The following THSD7B variants were observed in gnomAD, a reference collection of about 807,000 sequenced individuals.
The protein encoded by THSD7B is thrombospondin type-1 domain-containing protein 7B.
Under a neutral mutation model 213.6 loss-of-function variants are expected in THSD7B, and 138 were observed. The ratio of observed to expected loss-of-function variants is 0.65; its 90% confidence interval spans 0.56 to 0.74. THSD7B has a LOEUF of 0.74. THSD7B is among the 30% of genes least tolerant of loss of function. THSD7B has a pLI of 0.00. For missense variants in THSD7B, 1,931 were observed against 1,991.5 expected (o/e 0.97, Z 0.58); for synonymous variants, 742 against 687.0 (o/e 1.08, Z -1.25).
At chr2:137,392,489 T>A (rs1431453885) in intron 12 of THSD7B, among the ~76,000 whole-genome samples, 2 of 152,170 alleles carry the variant, frequency 1.3e-5, no homozygotes, top group Non-Finnish European at 1.5e-5. Context: ...GATCCTTTTA[T>A]CATTGTATAG....
intron 2 of THSD7B, among the ~76,000 whole-genome samples, chr2:136,993,405 AGG>A (rs1685823878): frequency 6.6e-6 from 1 of 152,234 alleles, no homozygotes; most frequent in African/African-American, 2.4e-5. Context: ...AAGGCTATGA[AGG>A]TAAAGTGAAT....
chr2:137,484,189 G>C (rs1688374805), intron 15 of THSD7B, among the ~76,000 whole-genome samples: 1 of 111,968 alleles, frequency 8.9e-6, no homozygotes, highest in African/African-American at 3.7e-5. Context: ...CCACACAACA[G>C]TCCCCAGAGT....
Position 137,676,554 on chromosome 2 carries a change from T to A in THSD7B, c.4770T>A (p.Pro1590=). Residue 1590 remains proline, a synonymous_variant, in exon 28 of 28, where the codon CCT becomes CCA. Coordinates refer to ENST00000409968, the MANE Select transcript of THSD7B (RefSeq NM_001316349.2). ...AGCCAAAACCACATCAAAGCACACC[T>A]CCCCAACAGAAGCCTCTGACCTTAG... ...CKKPKPHQST[P]PQQKPLTLAY... is the part of the protein sequence containing the mutation. 1 of 1,598,104 alleles carries A rather than the reference T, an allele frequency of 6.3e-7. No homozygotes were observed. The highest frequency in any genetic ancestry group is 8.5e-7 in the Non-Finnish European group (1 of 1,172,914).
At chr2:137,146,523 A>G (rs965902858) in intron 5 of THSD7B, among the ~76,000 whole-genome samples, 18 of 152,050 alleles carry the variant, frequency 1.2e-4, no homozygotes, top group Admixed American at 1.2e-3. Flanking sequence ...TACTAGTAGT[A>G]CTCATCTCAT....
At chr2:137,442,099 C>T (rs1269274819) in intron 14 of THSD7B, among the ~76,000 whole-genome samples, 1 of 151,936 alleles carries the variant, frequency 6.6e-6, no homozygotes, top group Non-Finnish European at 1.5e-5. Flanking sequence ...GGAAATTGAA[C>T]TATGGAGATT....
chr2:137,277,618 C>T (rs569444344), intron 12 of THSD7B, among the ~76,000 whole-genome samples: 2 of 152,180 alleles, frequency 1.3e-5, no homozygotes, highest in South Asian at 4.2e-4. Context: ...AACTTACTTT[C>T]AGGTAAATTA....
chr2:137,376,311 A>G (rs1685656206), intron 12 of THSD7B, among the ~76,000 whole-genome samples: 1 of 152,206 alleles, frequency 6.6e-6, no homozygotes, highest in Admixed American at 6.5e-5. Flanking sequence ...TAAGAATATT[A>G]CTTCTCATAC....
intron 2 of THSD7B, among the ~76,000 whole-genome samples, chr2:137,001,244 A>G (rs958696936): frequency 2.6e-4 from 40 of 152,206 alleles, no homozygotes; most frequent in African/African-American, 9.6e-4. Context: ...TGCCCTTAAC[A>G]TCTGAGTTTT....
At chr2:137,537,952 G>A (rs918208295) in intron 15 of THSD7B, among the ~76,000 whole-genome samples, 23 of 151,602 alleles carry the variant, frequency 1.5e-4, no homozygotes, top group African/African-American at 4.6e-4. Context: ...GTTCAAAATC[G>A]AAGTTGTAGT....
At chr2:137,433,505 C>T (rs1687229743) in intron 14 of THSD7B, among the ~76,000 whole-genome samples, 1 of 151,870 alleles carries the variant, frequency 6.6e-6, no homozygotes, top group East Asian at 1.9e-4. Context: ...TACAGGCAGG[C>T]ACCATCCCTG....
chr2:136,990,884 G>A, intron 2 of THSD7B: 1 of 1,343,938 alleles, frequency 7.4e-7, no homozygotes, highest in Non-Finnish European at 9.9e-7. Flanking sequence ...ATATTCAGAG[G>A]CGAAACGATG....
At chr2:136,968,293 T>A (rs184283384) in intron 2 of THSD7B, among the ~76,000 whole-genome samples, 214 of 152,302 alleles carry the variant, frequency 1.4e-3, no homozygotes, top group African/African-American at 4.8e-3. Flanking sequence ...TTAAATTTTT[T>A]AATTTTTATT....
Position 137,244,911 on chromosome 2 carries a change from A to G in THSD7B, c.2266+2339A>G, listed in dbSNP as rs540783226. Among the ~76,000 whole-genome samples the G allele has an allele frequency of 5.3e-5, 8 of 152,290 alleles. No homozygotes were observed. The South Asian group carries it at 1.7e-3, about 32-fold the overall frequency. The stretch of plus-strand genomic sequence containing the variant: ...TGTATCTATAAGCCTATGGTTCTCA[A>G]ACTTTATTGCATTTGAATCACCTGG... On this transcript the variant is annotated intron_variant, in intron 10 of 27. Transcript: ENST00000409968.
chr2:137,515,068 C>T (rs1270136686), intron 15 of THSD7B, among the ~76,000 whole-genome samples: 1 of 152,108 alleles, frequency 6.6e-6, no homozygotes, highest in Non-Finnish European at 1.5e-5. Flanking sequence ...TCTTATCATG[C>T]GAGTGGCTGA....
At chr2:137,412,022 G>A in intron 14 of THSD7B, 150 bp downstream of exon 14, 1 of 880,358 alleles carries the variant, frequency 1.1e-6, no homozygotes, top group Non-Finnish European at 1.7e-6. Flanking sequence ...AATATGGACA[G>A]ATGAAATGCA....
chr2:136,903,651 C>T (rs1684097941), intron 2 of THSD7B, among the ~76,000 whole-genome samples: 1 of 152,112 alleles, frequency 6.6e-6, no homozygotes, highest in East Asian at 1.9e-4. Context: ...CCCTTCAACC[C>T]AAAGGATCAG....
intron 13 of THSD7B, among the ~76,000 whole-genome samples, chr2:137,408,386 TA>T (rs1423398463): frequency 3.3e-5 from 5 of 152,128 alleles, no homozygotes; most frequent in African/African-American, 7.2e-5. Context: ...ATTCAATGAA[TA>T]TTTTTTTGTT....
At chr2:137,471,820 A>C (rs1160333350) in intron 15 of THSD7B, among the ~76,000 whole-genome samples, 1 of 152,172 alleles carries the variant, frequency 6.6e-6, no homozygotes. Flanking sequence ...GACGAGGGTC[A>C]GAAAATGTTC....
rs534420116 is a variant in THSD7B at position 137,138,353 on chromosome 2, G to A, written c.1370-21860G>A. 3.3e-5 allele frequency among the ~76,000 whole-genome samples: 5 copies of A among 152,242 alleles called. No homozygotes were observed. In the South Asian group the frequency reaches 1.0e-3, roughly 32 times the overall value. ...CACTTTATGCACCTGCCAGCTGTGT[G>A]TACATATGAGGTTCTGATTGTTTTA... On this transcript the variant is annotated intron_variant, in intron 5 of 27. Transcript: ENST00000409968.
Sources: gnomAD v4.1 joint callset for allele counts (sites outside exome capture counted in the v4.1 genomes callset) on GRCh38, gnomAD v4.1.1 for gene constraint, MANE v1.5 for transcripts, NCBI Gene and HGNC (gene_info 2026-07-23, HGNC 2026-07-21) for gene names.